Variants in MAP2K4 observed in about 807,000 individuals in gnomAD.
MAP2K4 encodes mitogen-activated protein kinase kinase 4, also known as dual specificity mitogen-activated protein kinase kinase 4.
Under a neutral mutation model 48.5 loss-of-function variants are expected in MAP2K4, and 4 were observed. The observed-to-expected ratio is 0.08, with a 90% confidence interval of 0.04 to 0.19. The LOEUF (loss-of-function observed/expected upper bound fraction) is 0.19, where lower values mean the gene tolerates loss of function less well. MAP2K4 is among the 10% of genes least tolerant of loss of function. The pLI is 1.00. For missense variants in MAP2K4, 258 were observed against 493.3 expected (o/e 0.52, Z 4.52); for synonymous variants, 166 against 173.1 (o/e 0.96, Z 0.32).
chr17:12,058,428 C>A (rs1322141374), intron 2 of MAP2K4, among the ~76,000 whole-genome samples: 1 of 152,040 alleles, frequency 6.6e-6, no homozygotes, highest in Non-Finnish European at 1.5e-5. Context: ...TTCTTCTGAC[C>A]ATGAATTCTC....
chr17:12,137,610 A>G lies in MAP2K4; in HGVS notation c.1041-2229A>G, dbSNP rs80330899. ...ATATGAAAAGCAGTGAAGAATCAGA[A>G]CAGATTGCAGAGTTAGAGGTTCTAA... is the stretch of plus-strand genomic sequence containing the variant. On this transcript the variant is annotated intron_variant, in intron 9 of 10. Transcript: ENST00000353533. Among the ~76,000 whole-genome samples the G allele has an allele frequency of 6.2e-3, 943 of 152,298 alleles. 2 individuals are homozygous for G. Among genetic ancestry groups the G allele is most frequent in the East Asian group, 0.035 (183 of 5,156 alleles).
rs375500789 is a variant in MAP2K4 at position 12,095,581 on chromosome 17, C to A, written c.400C>A (p.Arg134=). The A allele has an allele frequency of 1.2e-6, 2 of 1,613,378 alleles. No individual in the cohort carries two copies. The highest frequency in any genetic ancestry group is 1.7e-6 in the Non-Finnish European group (2 of 1,179,796). The change falls in exon 4 of 11, where the codon CGG becomes AGG. Residue 134 remains arginine, a synonymous_variant. Transcript: ENST00000353533. ...TTTTGTCATTCTTTTCCAGAGAATT[C>A]GGTCAACAGTGGATGAAAAAGAACA... ...SGQIMAVKRI[R]STVDEKEQKQ... is the part of the protein sequence containing the mutation.
At chr17:12,123,434 T>C (rs564840375) in intron 7 of MAP2K4, among the ~76,000 whole-genome samples, 1 of 152,338 alleles carries the variant, frequency 6.6e-6, no homozygotes, top group South Asian at 2.1e-4. Context: ...TCTTTTTCTG[T>C]GGGTCAGTCT....
chr17:12,024,873 G>A (rs1047951943), intron 1 of MAP2K4, among the ~76,000 whole-genome samples: 4 of 152,124 alleles, frequency 2.6e-5, no homozygotes, highest in Non-Finnish European at 4.4e-5. Flanking sequence ...CTAAAGCCTC[G>A]TGACTTTAGC....
At chr17:12,100,311 C>T (rs535006464) in intron 4 of MAP2K4, among the ~76,000 whole-genome samples, 5 of 152,252 alleles carry the variant, frequency 3.3e-5, no homozygotes, top group South Asian at 4.1e-4. Flanking sequence ...TTTATGTAAA[C>T]GGAATCTTAC....
At chr17:12,021,370 T>C (rs2151501739) in intron 1 of MAP2K4, 1 of 154,752 alleles carries the variant, frequency 6.5e-6, no homozygotes, top group East Asian at 1.9e-4. Context: ...GGCTCGGGGC[T>C]GCGGCGGAGC....
intron 7 of MAP2K4, among the ~76,000 whole-genome samples, chr17:12,118,390 C>T (rs1263876164): frequency 5.9e-5 from 9 of 152,108 alleles, no homozygotes; most frequent in African/African-American, 9.7e-5. Context: ...TGCATCCTTC[C>T]TGTTTTCAAG....
intron 2 of MAP2K4, among the ~76,000 whole-genome samples, chr17:12,078,105 A>G (rs1971071970): frequency 6.6e-6 from 1 of 152,200 alleles, no homozygotes. Flanking sequence ...AACACAGTTC[A>G]GTTCATAGTA....
In MAP2K4 at chr17:12,049,084, A is replaced by G. The variant is rs139672492; in HGVS notation, c.116-5805A>G. 8.5e-5 allele frequency among the ~76,000 whole-genome samples: 13 copies of G among 152,274 alleles called. No homozygotes were observed. In the East Asian group the frequency reaches 2.5e-3, roughly 29 times the overall value. On this transcript the variant is annotated intron_variant, in intron 1 of 10. Coordinates refer to ENST00000353533, the MANE Select transcript of MAP2K4 (RefSeq NM_003010.4). ...ATTTCCTCATTTCTGAAATTGTTTG[A>G]CTGTAAAGTTGCATAGTTGGAATTG... is the stretch of plus-strand genomic sequence containing the variant.
intron 3 of MAP2K4, among the ~76,000 whole-genome samples, chr17:12,083,758 TGA>T (rs1423646768): frequency 3.9e-5 from 6 of 152,340 alleles, no homozygotes; most frequent in Admixed American, 3.9e-4. Context: ...TCATCACACT[TGA>T]GAGAGTTCAT....
chr17:12,115,604 T>C, intron 7 of MAP2K4: 1 of 729,724 alleles, frequency 1.4e-6, no homozygotes, highest in Non-Finnish European at 2.6e-6. Flanking sequence ...AGTGAGCAAA[T>C]TGTAAAAGAG....
intron 1 of MAP2K4, among the ~76,000 whole-genome samples, chr17:12,052,989 C>T (rs1170991235): frequency 6.6e-6 from 1 of 152,030 alleles, no homozygotes; most frequent in Non-Finnish European, 1.5e-5. Flanking sequence ...AAATGTAAAT[C>T]TCACCTAAAT....
chr17:12,095,894 T>TG (rs1491239786), intron 4 of MAP2K4, among the ~76,000 whole-genome samples, 200 bp downstream of exon 4: 10 of 118,582 alleles, frequency 8.4e-5, no homozygotes, highest in East Asian at 6.9e-4. Context: ...CACACGTGTG[T>TG]TTGTGTGTGT....
intron 1 of MAP2K4, among the ~76,000 whole-genome samples, chr17:12,044,557 T>G (rs1011349336): frequency 1.3e-5 from 2 of 152,212 alleles, no homozygotes; most frequent in Non-Finnish European, 2.9e-5. Context: ...AAACTCAAAC[T>G]TTTTTCCTCT....
In MAP2K4 at chr17:12,081,383, G is replaced by A. The variant is rs1047673278; in HGVS notation, c.246G>A (p.Glu82=). 4 of 1,613,608 alleles carry A rather than the reference G, an allele frequency of 2.5e-6. No individual in the cohort carries two copies. Among genetic ancestry groups the A allele is most frequent in the Non-Finnish European group, 3.4e-6 (4 of 1,179,948 alleles). ...HIERLRTHSI[E]SSGKLKISPE... is the part of the protein sequence containing the mutation. The stretch of plus-strand genomic sequence containing the variant: ...AGAGACTGAGAACACACAGCATTGA[G>A]TCATCAGGAAAACTGAAGATCTCCC... The change falls in exon 3 of 11, where the codon GAG becomes GAA. Residue 82 remains glutamate (E), a synonymous_variant. Coordinates refer to ENST00000353533, the MANE Select transcript of MAP2K4 (RefSeq NM_003010.4). This position sits in a 1 kb window ranked among gnomAD's most constrained non-coding sequence, Gnocchi z 4.2.
intron 10 of MAP2K4, 121 bp from the exon 11 acceptor site, chr17:12,141,026 C>A: frequency 3.0e-6 from 2 of 660,082 alleles, no homozygotes; most frequent in South Asian, 1.8e-5. Context: ...TGTAGTGTTG[C>A]GGTATTTCAT....
chr17:12,065,306 T>G (rs948599138), intron 2 of MAP2K4, among the ~76,000 whole-genome samples: 34 of 138,510 alleles, frequency 2.5e-4, no homozygotes, highest in African/African-American at 6.0e-4. Context: ...GTTTGTTGTT[T>G]TTTTTTTTTT....
At position 12,108,431 on chromosome 17, in the gene MAP2K4, A is replaced by G. The variant is rs374620760; in HGVS notation, c.633+522A>G. On this transcript the variant is annotated intron_variant, in intron 5 of 10. Coordinates refer to ENST00000353533, the MANE Select transcript of MAP2K4 (RefSeq NM_003010.4). ...ATTTTGACTAGCAGTTTCAGGGGCC[A>G]GTGTTACTACTAAATTTGGTTAACT... is the stretch of plus-strand genomic sequence containing the variant. 2.6e-5 allele frequency among the ~76,000 whole-genome samples: 4 copies of G among 152,266 alleles called. No homozygotes were observed. In the East Asian group the frequency reaches 7.7e-4, roughly 29 times the overall value.
intron 4 of MAP2K4, among the ~76,000 whole-genome samples, chr17:12,102,586 A>G (rs1441022494): frequency 6.6e-6 from 1 of 152,102 alleles, no homozygotes; most frequent in Non-Finnish European, 1.5e-5. Context: ...GGAAGAATTT[A>G]TATAGAATTG....
Sources: gnomAD v4.1 joint callset for allele counts (sites outside exome capture counted in the v4.1 genomes callset) on GRCh38, gnomAD v4.1.1 for gene constraint, Gnocchi (gnomAD v3.1) non-coding constraint, MANE v1.5 for transcripts, NCBI Gene and HGNC (gene_info 2026-07-23, HGNC 2026-07-21) for gene names.